Variants in OR8B2 observed in about 807,000 individuals in gnomAD.
The protein encoded by OR8B2 is olfactory receptor family 8 subfamily B member 2.
For synonymous variants in OR8B2, 98 were observed against 138.2 expected (o/e 0.71, Z 2.04); for missense variants, 304 against 379.6 (o/e 0.80, Z 1.65).
chr11:124,385,397 C>A (rs1860681376), upstream of OR8B2, among the ~76,000 whole-genome samples: 1 of 152,088 alleles, frequency 6.6e-6, no homozygotes, highest in Non-Finnish European at 1.5e-5. Context: ...ACAGAGACAT[C>A]TTCCACAACT....
At chr11:124,388,885 G>A (rs560552555), upstream of OR8B2, among the ~76,000 whole-genome samples, 1 of 148,992 alleles carries the variant, frequency 6.7e-6, no homozygotes, top group African/African-American at 2.5e-5. Flanking sequence ...GGAGTGCAGT[G>A]GAGTGATCTC....
upstream of OR8B2, among the ~76,000 whole-genome samples, chr11:124,387,361 A>G (rs1473078217): frequency 6.6e-6 from 1 of 152,126 alleles, no homozygotes; most frequent in Admixed American, 6.5e-5. Context: ...GGTAATGCCT[A>G]GGTTTTCTTC....
chr11:124,383,399 T>G (rs1860642490), intron 1 of OR8B2, 39 bp from the exon 2 acceptor site: 2 of 1,477,598 alleles, frequency 1.4e-6, no homozygotes, highest in African/African-American at 2.8e-5. Flanking sequence ...GAACACAGAT[T>G]TCTTTTTACA....
the OR8B2 span, among the ~76,000 whole-genome samples, chr11:124,393,227 C>A: frequency 6.9e-6 from 1 of 145,970 alleles, no homozygotes; most frequent in Non-Finnish European, 1.5e-5. Context: ...GTCTAAAACA[C>A]CAAAAGCAAT....
the OR8B2 span, among the ~76,000 whole-genome samples, chr11:124,390,477 A>G: frequency 1.3e-5 from 2 of 152,140 alleles, no homozygotes; most frequent in Non-Finnish European, 2.9e-5. Context: ...AAAGTCACCA[A>G]AAAATAGCAA....
At chr11:124,394,475 G>T in the OR8B2 span, among the ~76,000 whole-genome samples, 1 of 152,146 alleles carries the variant, frequency 6.6e-6, no homozygotes, top group African/African-American at 2.4e-5. Flanking sequence ...AAAAGAGAAA[G>T]AAATGGAAAG....
upstream of OR8B2, among the ~76,000 whole-genome samples, chr11:124,386,014 G>A (rs183258032): frequency 3.3e-5 from 5 of 152,144 alleles, no homozygotes; most frequent in Admixed American, 1.3e-4. Context: ...ATCTGCTGTC[G>A]TGAAATTGTG....
the OR8B2 span, among the ~76,000 whole-genome samples, chr11:124,391,549 C>T: frequency 6.6e-6 from 1 of 152,076 alleles, no homozygotes; most frequent in Non-Finnish European, 1.5e-5. Context: ...CATACACTCT[C>T]CCAAGACTAA....
At chr11:124,390,764 T>A in the OR8B2 span, among the ~76,000 whole-genome samples, 1 of 152,114 alleles carries the variant, frequency 6.6e-6, no homozygotes, top group Admixed American at 6.6e-5. Context: ...TTATTTGTTT[T>A]TTTTTTTCCT....
chr11:124,385,522 G>A (rs1860684866), upstream of OR8B2, among the ~76,000 whole-genome samples: 1 of 148,638 alleles, frequency 6.7e-6, no homozygotes, highest in African/African-American at 2.5e-5. Context: ...GTGTGTGTGT[G>A]TCTGTGTGTG....
chr11:124,396,735 T>C, the OR8B2 span: 6 of 1,613,878 alleles, frequency 3.7e-6, no homozygotes, highest in Non-Finnish European at 5.1e-6. Flanking sequence ...TACCATGATA[T>C]TAATACCCAC....
the OR8B2 span, among the ~76,000 whole-genome samples, chr11:124,394,260 A>AAAAT: frequency 0.1 from 15,380 of 149,502 alleles, 1,173 homozygotes; most frequent in African/African-American, 0.22. Flanking sequence ...AATAATAATA[A>AAAAT]AAATAAATAA....
chr11:124,393,744 C>G, the OR8B2 span, among the ~76,000 whole-genome samples: 6 of 151,998 alleles, frequency 3.9e-5, no homozygotes, highest in Admixed American at 3.9e-4. Context: ...ACCCAGCCAT[C>G]CCAATACTGG....
upstream of OR8B2, among the ~76,000 whole-genome samples, chr11:124,389,174 A>G (rs1024243462): frequency 3.6e-4 from 55 of 152,094 alleles, no homozygotes; most frequent in Admixed American, 5.9e-4. Context: ...CACCCTCTGA[A>G]CCAGACACCC....
chr11:124,395,748 A>T, the OR8B2 span: 4 of 152,240 alleles, frequency 2.6e-5, no homozygotes, highest in Admixed American at 6.5e-5. Flanking sequence ...CATCCTCTGT[A>T]AATGCTGCCT....
At chr11:124,396,842 A>G in the OR8B2 span, 1 of 1,610,504 alleles carries the variant, frequency 6.2e-7, no homozygotes, top group South Asian at 1.1e-5. Flanking sequence ...TGATATTAGC[A>G]CTGCAGAAGG....
upstream of OR8B2, among the ~76,000 whole-genome samples, chr11:124,385,491 C>T (rs1258701881): frequency 6.8e-5 from 10 of 148,100 alleles, no homozygotes; most frequent in East Asian, 4.0e-4. Context: ...ATTTAACATG[C>T]GTGTGTGTGT....
the OR8B2 span, among the ~76,000 whole-genome samples, chr11:124,394,059 A>T: frequency 1.1e-4 from 15 of 139,172 alleles, no homozygotes; most frequent in East Asian, 2.2e-3. Flanking sequence ...GAACAATGAG[A>T]ACACATGGAC....
chr11:124,396,545 C>G, the OR8B2 span: 2 of 1,613,822 alleles, frequency 1.2e-6, no homozygotes, highest in Non-Finnish European at 1.7e-6. Flanking sequence ...AAACTTTTCC[C>G]TGCTCCATAG....
Sources: gnomAD v4.1 joint callset for allele counts (sites outside exome capture counted in the v4.1 genomes callset) on GRCh38, gnomAD v4.1.1 for gene constraint, MANE v1.5 for transcripts, NCBI Gene and HGNC (gene_info 2026-07-23, HGNC 2026-07-21) for gene names.